The following UBE2L3 variants were observed in gnomAD, a reference collection of about 807,000 sequenced individuals.
UBE2L3 encodes the protein ubiquitin-conjugating enzyme E2 L3.
In UBE2L3, 1 loss-of-function variant was observed where a neutral mutation model predicts 17.8. That is an observed-to-expected ratio of 0.06 (90% CI 0.02 to 0.27). The LOEUF (loss-of-function observed/expected upper bound fraction) is 0.27, where lower values mean the gene tolerates loss of function less well. Among genes scored for constraint, UBE2L3 ranks in the 10% least tolerant of loss-of-function variants. The pLI is 1.00. For missense variants in UBE2L3, 40 were observed against 192.6 expected (o/e 0.21, Z 4.69); for synonymous variants, 44 against 68.5 (o/e 0.64, Z 1.76).
At chr22:21,599,309 T>TC (rs1415411610) in intron 2 of UBE2L3, among the ~76,000 whole-genome samples, 3 of 152,190 alleles carry the variant, frequency 2.0e-5, no homozygotes, top group African/African-American at 7.2e-5. Flanking sequence ...GCCTTCTCTC[T>TC]CCCCTACTTC....
chr22:21,607,514 TAAAAAA>T (rs758366095), intron 2 of UBE2L3, among the ~76,000 whole-genome samples: 2 of 108,978 alleles, frequency 1.8e-5, no homozygotes, highest in African/African-American at 7.0e-5. Flanking sequence ...GACTCCGTCT[TAAAAAA>T]AAAAAAAAAA....
chr22:21,583,910 CGTT>C (rs1568975852), intron 1 of UBE2L3, among the ~76,000 whole-genome samples: 1 of 151,944 alleles, frequency 6.6e-6, no homozygotes, highest in East Asian at 1.9e-4. Flanking sequence ...GAGTTTCACT[CGTT>C]GCCCAGGCCG....
At chr22:21,610,555 T>C (rs183621591) in intron 2 of UBE2L3, among the ~76,000 whole-genome samples, 58 of 152,292 alleles carry the variant, frequency 3.8e-4, no homozygotes, top group Middle Eastern at 6.8e-3. Flanking sequence ...TATTTAGGAA[T>C]TCTCTGTCCT....
At chr22:21,599,930 A>G (rs1378916850) in intron 2 of UBE2L3, among the ~76,000 whole-genome samples, 1 of 152,228 alleles carries the variant, frequency 6.6e-6, no homozygotes. Context: ...AAATTCGGTT[A>G]ATGGAGATTG....
rs34463645 is a variant in UBE2L3 at position 21,586,875 on chromosome 22, CTTTTTT to C, written c.28-5969_28-5964del. Among the ~76,000 whole-genome samples the C allele has an allele frequency of 2.5e-5, 3 of 118,928 alleles. No homozygotes were observed. The Admixed American group carries it at 2.8e-4, about 11-fold the overall frequency. 78.0% of individuals were successfully genotyped at this position (118,928 alleles called of 152,430 possible). On this transcript the variant is annotated intron_variant, in intron 1 of 3. Coordinates refer to ENST00000342192, the MANE Select transcript of UBE2L3 (RefSeq NM_003347.4). ...ACAGGTGTGAGCCACTGTGCCCGGC[CTTTTTT>C]TTTTTTTTTTTTTTTTAAGATAGGT... is the stretch of plus-strand genomic sequence containing the variant.
At chr22:21,617,078 C>T (rs1029469859) in intron 3 of UBE2L3, among the ~76,000 whole-genome samples, 22 of 145,800 alleles carry the variant, frequency 1.5e-4, no homozygotes, top group East Asian at 2.1e-4. Flanking sequence ...GGCGTGGTTG[C>T]GGGCACCTGT....
At chr22:21,576,944 C>T (rs536666484) in intron 1 of UBE2L3, among the ~76,000 whole-genome samples, 1 of 151,248 alleles carries the variant, frequency 6.6e-6, no homozygotes, top group African/African-American at 2.4e-5. Flanking sequence ...GCTGGAATTA[C>T]AGGCGTGTGC....
intron 1 of UBE2L3, among the ~76,000 whole-genome samples, chr22:21,588,272 A>T (rs534379370): frequency 6.6e-6 from 1 of 151,898 alleles, no homozygotes; most frequent in African/African-American, 2.4e-5. Context: ...TTTGAATTCC[A>T]CTTCTTGGAA....
chr22:21,606,721 T>C (rs1478329886), intron 2 of UBE2L3, among the ~76,000 whole-genome samples: 1 of 152,132 alleles, frequency 6.6e-6, no homozygotes, highest in African/African-American at 2.4e-5. Flanking sequence ...TGGTGGCATA[T>C]GCCTGTAGTC....
chr22:21,605,069 A>G (rs1174875337), intron 2 of UBE2L3, among the ~76,000 whole-genome samples: 7 of 152,232 alleles, frequency 4.6e-5, no homozygotes, highest in Non-Finnish European at 1.0e-4. Flanking sequence ...AGCCTCAAGC[A>G]GTCCTCCTAC....
intron 1 of UBE2L3, among the ~76,000 whole-genome samples, chr22:21,582,595 G>A (rs952389133): frequency 2.0e-5 from 3 of 151,980 alleles, no homozygotes; most frequent in Admixed American, 6.6e-5. Context: ...GCGCGATCTC[G>A]GCTCACTGCA....
chr22:21,610,859 C>T lies in UBE2L3; in HGVS notation c.126C>T (p.Asp42=). The change falls in exon 3 of 4, where the codon GAC becomes GAT. Residue 42 remains aspartate (D), a splice_region_variant and synonymous_variant. Transcript: ENST00000342192. ...LLTWQGLIVP[D]NPPYDKGAFR... ...TTTTGATCTCTCTTTCCTTCCAGGA[C>T]AACCCTCCATATGATAAGGGAGCCT... is the stretch of plus-strand genomic sequence containing the variant. The T allele has an allele frequency of 1.2e-6, 2 of 1,604,222 alleles. No individual in the cohort carries two copies. The highest frequency in any genetic ancestry group is 8.5e-7 in the Non-Finnish European group (1 of 1,175,718).
chr22:21,621,609 A>G lies in UBE2L3; in HGVS notation c.405A>G (p.Lys135=). Residue 135 remains lysine, a synonymous_variant, in exon 4 of 4, where the codon AAA becomes AAG. Coordinates refer to ENST00000342192, the MANE Select transcript of UBE2L3 (RefSeq NM_003347.4). Reference sequence around the variant, plus strand: ...AAGAATACTCTAAGGACCGTAAAAAATTCTGTAAGAATGCTGAAGAGTTTA... The same window carrying G: ...AAGAATACTCTAAGGACCGTAAAAAGTTCTGTAAGAATGCTGAAGAGTTTA... ...LAEEYSKDRK[K]FCKNAEEFTK... is the part of the protein sequence containing the mutation. The G allele has an allele frequency of 6.2e-7, 1 of 1,610,640 alleles. No homozygotes were observed. Among genetic ancestry groups the G allele is most frequent in the Non-Finnish European group, 8.5e-7 (1 of 1,179,468 alleles).
chr22:21,585,435 G>T (rs531552602), intron 1 of UBE2L3, among the ~76,000 whole-genome samples: 1 of 152,120 alleles, frequency 6.6e-6, no homozygotes. Context: ...GCCTGTATTC[G>T]TTCCTTCCCT....
chr22:21,618,422 C>T (rs562445357), intron 3 of UBE2L3, among the ~76,000 whole-genome samples: 42 of 151,732 alleles, frequency 2.8e-4, no homozygotes, highest in Non-Finnish European at 4.6e-4. Context: ...GAAAATTAGC[C>T]GGGCATGGTG....
intron 2 of UBE2L3, among the ~76,000 whole-genome samples, chr22:21,603,967 A>G (rs1456066615): frequency 7.3e-6 from 1 of 137,614 alleles, no homozygotes; most frequent in Non-Finnish European, 1.5e-5. Context: ...GCTGGAATGC[A>G]GTGGTGTAAT....
chr22:21,610,793 T>C (rs1929435314), intron 2 of UBE2L3, 64 bp from the exon 3 acceptor site: 6 of 1,436,220 alleles, frequency 4.2e-6, no homozygotes, highest in Non-Finnish European at 5.5e-6. Flanking sequence ...AATTAAAACA[T>C]TCCTGTCTTG....
intron 1 of UBE2L3, 101 bp downstream of exon 1, chr22:21,567,872 C>A: frequency 1.3e-6 from 2 of 1,546,398 alleles, no homozygotes; most frequent in Admixed American, 2.0e-5. Context: ...CGTCTGGCTT[C>A]CTGCCCTACA....
At chr22:21,591,228 G>A (rs1474828477) in intron 1 of UBE2L3, among the ~76,000 whole-genome samples, 2 of 152,196 alleles carry the variant, frequency 1.3e-5, no homozygotes, top group Non-Finnish European at 2.9e-5. Flanking sequence ...TGCCGCTAAC[G>A]CCTCCTCAGG....
Sources: allele counts gnomAD v4.1 joint callset (sites outside exome capture counted in the v4.1 genomes callset), GRCh38; gene constraint gnomAD v4.1.1; transcripts MANE v1.5; gene names NCBI Gene and HGNC (gene_info 2026-07-23, HGNC 2026-07-21).